ASTN2: variants seen among roughly 807,000 people sequenced by gnomAD.
ASTN2 encodes the protein astrotactin 2.
A neutral mutation model predicts 139.8 loss-of-function variants in ASTN2; 54 were observed. The observed-to-expected ratio is 0.39, with a 90% CI of 0.31 to 0.48. The LOEUF is 0.48. Ranked by LOEUF, ASTN2 falls within the 20% of genes least tolerant of loss-of-function variation. The pLI is 0.95. For synonymous variants in ASTN2, 756 were observed against 719.5 expected, an observed-to-expected ratio of 1.05 and a Z score of -0.81; for missense variants, 1,565 against 1,725.1, an observed-to-expected ratio of 0.91 and a Z score of 1.64.
At chr9:116,679,243 T>C (rs1334052252) in intron 16 of ASTN2, among the ~76,000 whole-genome samples, 1 of 152,180 alleles carries the variant, frequency 6.6e-6, no homozygotes, top group Non-Finnish European at 1.5e-5. Flanking sequence ...TTTAAACCTT[T>C]GTTATTTGAC....
chr9:117,093,450 G>C (rs1828756723), intron 5 of ASTN2, among the ~76,000 whole-genome samples: 1 of 152,118 alleles, frequency 6.6e-6, no homozygotes, highest in South Asian at 2.1e-4. Context: ...CAGTAAGTGG[G>C]GGGGCTGGGA....
intron 2 of ASTN2, among the ~76,000 whole-genome samples, chr9:117,239,335 G>C (rs1833139940): frequency 6.6e-6 from 1 of 152,068 alleles, no homozygotes; most frequent in Non-Finnish European, 1.5e-5. Context: ...TACAAGTTGG[G>C]GAGAGACAAC....
intron 10 of ASTN2, among the ~76,000 whole-genome samples, chr9:116,884,749 G>A (rs1296299012): frequency 6.7e-6 from 1 of 149,136 alleles, no homozygotes. Flanking sequence ...TCTGATCTCT[G>A]CCTTGATGTC....
chr9:116,942,041 G>A (rs2132470366), intron 10 of ASTN2, among the ~76,000 whole-genome samples: 1 of 148,538 alleles, frequency 6.7e-6, no homozygotes, highest in Admixed American at 6.7e-5. Context: ...AGAAATTTAA[G>A]AGGGAAAGTA....
At chr9:116,729,459 G>A (rs1044229307) in intron 14 of ASTN2, among the ~76,000 whole-genome samples, 7 of 152,114 alleles carry the variant, frequency 4.6e-5, no homozygotes, top group Non-Finnish European at 5.9e-5. Flanking sequence ...CTCTTATTTC[G>A]TAGGCATGTT....
At chr9:116,550,514 A>G (rs571084297) in intron 19 of ASTN2, among the ~76,000 whole-genome samples, 5 of 152,272 alleles carry the variant, frequency 3.3e-5, no homozygotes, top group Non-Finnish European at 7.4e-5. Context: ...TGTAGCTTAC[A>G]TTACTCAACT....
chr9:117,228,722 C>T (rs538223526), intron 2 of ASTN2, among the ~76,000 whole-genome samples: 58 of 152,052 alleles, frequency 3.8e-4, no homozygotes, highest in Non-Finnish European at 5.6e-4. Context: ...TATTTAAAGA[C>T]GTGGAGTTCA....
chr9:117,024,808 G>A (rs1052484005), intron 6 of ASTN2, among the ~76,000 whole-genome samples: 9 of 152,090 alleles, frequency 5.9e-5, no homozygotes, highest in Admixed American at 2.0e-4. Flanking sequence ...ATCTTGAACT[G>A]TAGCTCCCAT....
intron 11 of ASTN2, among the ~76,000 whole-genome samples, chr9:116,837,793 A>C (rs1235748125): frequency 6.6e-6 from 1 of 152,126 alleles, no homozygotes; most frequent in Non-Finnish European, 1.5e-5. Flanking sequence ...CTGATGCTGG[A>C]GGTGGGGCCC....
At chr9:117,190,448 G>T (rs181186192) in intron 3 of ASTN2, among the ~76,000 whole-genome samples, 1 of 152,130 alleles carries the variant, frequency 6.6e-6, no homozygotes, top group African/African-American at 2.4e-5. Context: ...TCTCAGTTTG[G>T]CCCTAACTGT....
Position 116,488,603 on chromosome 9 carries a change from A to C in ASTN2, c.3356-1103T>G, listed in dbSNP as rs181989529. ...ATAGGCTATTTTATAGTCATTAAAA[A>C]TAATCTGTGAAAGAATATGAAAGGA... On this transcript the variant is annotated intron_variant, in intron 19 of 22. Transcript: ENST00000313400. Among the ~76,000 whole-genome samples the C allele has an allele frequency of 4.6e-5, 7 of 152,382 alleles. No individual in the cohort carries two copies. In the East Asian group the frequency reaches 1.3e-3, roughly 29 times the overall value.
chr9:117,164,507 CA>C (rs1218939226), intron 3 of ASTN2, among the ~76,000 whole-genome samples: 1 of 152,056 alleles, frequency 6.6e-6, no homozygotes, highest in African/African-American at 2.4e-5. Context: ...GGGGAAAGAT[CA>C]ATAGCTATTA....
At chr9:116,809,773 A>T (rs1452968229) in intron 12 of ASTN2, among the ~76,000 whole-genome samples, 1 of 152,184 alleles carries the variant, frequency 6.6e-6, no homozygotes, top group Non-Finnish European at 1.5e-5. Flanking sequence ...TGTGACAAAG[A>T]CATCTTGCAT....
intron 2 of ASTN2, among the ~76,000 whole-genome samples, chr9:117,273,862 C>A (rs1028516477): frequency 2.0e-5 from 3 of 152,202 alleles, no homozygotes; most frequent in African/African-American, 7.2e-5. Flanking sequence ...ACCAATTGAC[C>A]TCCTGGTGCA....
chr9:116,971,131 C>A (rs1330568886), intron 10 of ASTN2, among the ~76,000 whole-genome samples: 1 of 152,120 alleles, frequency 6.6e-6, no homozygotes, highest in Non-Finnish European at 1.5e-5. Context: ...CAGGAGGGAT[C>A]CAGCTAAGAT....
intron 19 of ASTN2, among the ~76,000 whole-genome samples, chr9:116,523,733 C>T (rs1048918228): frequency 2.6e-5 from 4 of 152,060 alleles, no homozygotes; most frequent in African/African-American, 9.7e-5. Context: ...AACATGGGCA[C>T]CTCCTATTTA....
chr9:116,620,243 C>T, intron 18 of ASTN2, 67 bp downstream of exon 18: 1 of 1,607,106 alleles, frequency 6.2e-7, no homozygotes, highest in Non-Finnish European at 8.5e-7. Flanking sequence ...ATGGCATGGG[C>T]TGGCAGGACA....
intron 5 of ASTN2, among the ~76,000 whole-genome samples, chr9:117,086,472 G>A (rs1828564568): frequency 6.6e-6 from 1 of 152,164 alleles, no homozygotes; most frequent in African/African-American, 2.4e-5. Context: ...TACTTGGGAG[G>A]CTGAGGCAGG....
At chr9:117,229,367 C>T (rs150136118) in intron 2 of ASTN2, among the ~76,000 whole-genome samples, 167 of 152,326 alleles carry the variant, frequency 1.1e-3, no homozygotes, top group African/African-American at 3.6e-3. Context: ...CACATTCCCT[C>T]GGGTTGTACA....
Sources: gnomAD v4.1 joint callset for allele counts (sites outside exome capture counted in the v4.1 genomes callset) on GRCh38, gnomAD v4.1.1 for gene constraint, MANE v1.5 for transcripts, NCBI Gene and HGNC (gene_info 2026-07-23, HGNC 2026-07-21) for gene names.